Variants in TENM3 observed in about 807,000 individuals in gnomAD.
TENM3 encodes the protein teneurin transmembrane protein 3, also known as teneurin-3.
Under a neutral mutation model 255.1 loss-of-function variants are expected in TENM3, and 63 were observed. That is an observed-to-expected ratio of 0.25 (90% CI 0.20 to 0.30). The LOEUF (loss-of-function observed/expected upper bound fraction) is 0.30. Ranked by LOEUF, TENM3 falls within the 10% of genes least tolerant of loss-of-function variation. The pLI, the probability that TENM3 is intolerant of heterozygous loss-of-function variation, is 1.00. For synonymous variants in TENM3, 1,306 were observed against 1,322.3 expected (o/e 0.99, Z 0.27); for missense variants, 2,929 against 3,461.1 (o/e 0.85, Z 3.86).
chr4:181,850,948 C>T, the TENM3 span, among the ~76,000 whole-genome samples: 1 of 152,148 alleles, frequency 6.6e-6, no homozygotes. Flanking sequence ...GGAGGTGAAG[C>T]CGTTTCATCT....
intron 19 of TENM3, among the ~76,000 whole-genome samples, chr4:182,745,654 G>A (rs1761955645): frequency 6.6e-6 from 1 of 152,144 alleles, no homozygotes; most frequent in East Asian, 1.9e-4. Context: ...GTAGCAGACA[G>A]TTAAACCACT....
chr4:182,270,364 G>C (rs1227591964), intron 1 of TENM3, among the ~76,000 whole-genome samples: 3 of 152,130 alleles, frequency 2.0e-5, no homozygotes, highest in African/African-American at 7.2e-5. Context: ...TTCCTTCAAG[G>C]TCTGCTATCT....
At chr4:181,620,527 C>T in the TENM3 span, among the ~76,000 whole-genome samples, 6 of 151,996 alleles carry the variant, frequency 3.9e-5, no homozygotes, top group Non-Finnish European at 7.4e-5. Flanking sequence ...AGGTCAGCCC[C>T]GCATTGTTCA....
At position 182,505,600 on chromosome 4, in the gene TENM3, TC is replaced by T. The variant is rs566643407; in HGVS notation, c.512-95321del. Among the ~76,000 whole-genome samples, 35 of 152,172 alleles carry T rather than the reference TC, an allele frequency of 2.3e-4. No individual in the cohort carries two copies. The South Asian group carries it at 7.1e-3, about 31-fold the overall frequency. Reference sequence around the variant, plus strand: ...TTCAAGCGATTCTCCTGCCTCAGCCTCCCGAGTAGCTGGGATTACAGGCACC... The same window carrying T: ...TTCAAGCGATTCTCCTGCCTCAGCCTCCGAGTAGCTGGGATTACAGGCACC... On this transcript the variant is annotated intron_variant, in intron 3 of 27. Coordinates refer to ENST00000511685, the MANE Select transcript of TENM3 (RefSeq NM_001080477.4).
At chr4:182,617,378 A>T (rs1179491514) in intron 4 of TENM3, among the ~76,000 whole-genome samples, 1 of 152,232 alleles carries the variant, frequency 6.6e-6, no homozygotes, top group Non-Finnish European at 1.5e-5. Context: ...TCAAGTGACT[A>T]AAACTATCTT....
chr4:182,511,778 A>C (rs957475714), intron 3 of TENM3, among the ~76,000 whole-genome samples: 2 of 152,226 alleles, frequency 1.3e-5, no homozygotes, highest in South Asian at 4.1e-4. Flanking sequence ...AATTAGGATC[A>C]TATAAATAAA....
At chr4:181,911,217 C>G in the TENM3 span, among the ~76,000 whole-genome samples, 1 of 152,286 alleles carries the variant, frequency 6.6e-6, no homozygotes, top group African/African-American at 2.4e-5. Context: ...TTCTTCATTT[C>G]TTTTCTATCA....
chr4:181,496,512 A>G, the TENM3 span, among the ~76,000 whole-genome samples: 1 of 152,250 alleles, frequency 6.6e-6, no homozygotes, highest in African/African-American at 2.4e-5. Flanking sequence ...AAATTATTTT[A>G]ACTGTTCCTT....
At chr4:182,428,818 G>C (rs183500940) in intron 3 of TENM3, among the ~76,000 whole-genome samples, 53 of 152,158 alleles carry the variant, frequency 3.5e-4, no homozygotes, top group African/African-American at 1.2e-3. Flanking sequence ...AAAATTAAAA[G>C]AGGAATAATT....
chr4:181,695,921 A>C, the TENM3 span, among the ~76,000 whole-genome samples: 1 of 151,488 alleles, frequency 6.6e-6, no homozygotes, highest in East Asian at 2.0e-4. Flanking sequence ...TTCTAGAGGA[A>C]AGACTTTTTT....
rs139325589 is a variant in TENM3 at position 182,537,392 on chromosome 4, A to G, written c.512-63532A>G. Reference sequence around the variant, plus strand: ...TAAGATCTCTCTCTTGTCTAGTTCAATCTTCTAATTACGTACTTCGAGGTC... The same window carrying G: ...TAAGATCTCTCTCTTGTCTAGTTCAGTCTTCTAATTACGTACTTCGAGGTC... On this transcript the variant is annotated intron_variant, in intron 3 of 27. Transcript: ENST00000511685. 5.3e-5 allele frequency among the ~76,000 whole-genome samples: 8 copies of G among 152,248 alleles called. No homozygotes were observed. The East Asian group carries it at 1.5e-3, about 29-fold the overall frequency.
At chr4:181,886,273 G>A in the TENM3 span, among the ~76,000 whole-genome samples, 17 of 151,852 alleles carry the variant, frequency 1.1e-4, no homozygotes, top group Non-Finnish European at 2.5e-4. Context: ...GGCTACTTTC[G>A]AACTCCCGAC....
At chr4:182,315,038 A>G (rs558338542) in intron 1 of TENM3, among the ~76,000 whole-genome samples, 1 of 152,160 alleles carries the variant, frequency 6.6e-6, no homozygotes, top group Non-Finnish European at 1.5e-5. Context: ...CACTTCACAT[A>G]CCTTGTAATA....
chr4:181,559,541 A>G, the TENM3 span, among the ~76,000 whole-genome samples: 1 of 152,242 alleles, frequency 6.6e-6, no homozygotes, highest in South Asian at 2.1e-4. Flanking sequence ...CCTTATTTGA[A>G]AAATTGCATA....
At chr4:182,379,023 G>A (rs1168334703) in intron 3 of TENM3, among the ~76,000 whole-genome samples, 5 of 152,150 alleles carry the variant, frequency 3.3e-5, no homozygotes, top group South Asian at 2.1e-4. Flanking sequence ...CGGGAAGATC[G>A]AGCATCGGAT....
At chr4:181,811,221 C>A in the TENM3 span, among the ~76,000 whole-genome samples, 1 of 152,142 alleles carries the variant, frequency 6.6e-6, no homozygotes, top group Non-Finnish European at 1.5e-5. Flanking sequence ...TTTTTCTACC[C>A]TAAGAATTGA....
chr4:182,002,267 C>T, the TENM3 span, among the ~76,000 whole-genome samples: 1 of 152,056 alleles, frequency 6.6e-6, no homozygotes, highest in Non-Finnish European at 1.5e-5. Flanking sequence ...ACCTGGGATG[C>T]CCATGAAACA....
chr4:182,180,996 A>G (rs1443113242), intron 1 of TENM3, among the ~76,000 whole-genome samples: 1 of 152,048 alleles, frequency 6.6e-6, no homozygotes, highest in Non-Finnish European at 1.5e-5. Context: ...ATCACAGCCA[A>G]AAGGCTGAGA....
intron 6 of TENM3, among the ~76,000 whole-genome samples, chr4:182,668,092 A>G (rs868233583): frequency 6.6e-6 from 1 of 152,092 alleles, no homozygotes; most frequent in Non-Finnish European, 1.5e-5. Flanking sequence ...TAGTAGTCCT[A>G]AATACCCCAT....
Sources: allele counts gnomAD v4.1 joint callset (sites outside exome capture counted in the v4.1 genomes callset), GRCh38; gene constraint gnomAD v4.1.1; transcripts MANE v1.5; gene names NCBI Gene and HGNC (gene_info 2026-07-23, HGNC 2026-07-21).